FOXP1: variants seen among roughly 807,000 people sequenced by gnomAD.
FOXP1 encodes the protein forkhead box P1, also known as forkhead box protein P1.
Under a neutral mutation model 98.2 loss-of-function variants are expected in FOXP1, and 15 were observed. That is an observed-to-expected ratio of 0.15 (90% CI 0.10 to 0.24). The LOEUF is 0.24. Ranked by LOEUF, FOXP1 falls within the 10% of genes least tolerant of loss-of-function variation. The pLI is 1.00. For missense variants in FOXP1, 633 were observed against 848.5 expected, an observed-to-expected ratio of 0.75 and a Z score of 3.15; for synonymous variants, 371 against 314.5, an observed-to-expected ratio of 1.18 and a Z score of -1.90.
At chr3:71,145,236 T>A (rs939588391) in intron 6 of FOXP1, among the ~76,000 whole-genome samples, 34 of 152,302 alleles carry the variant, frequency 2.2e-4, no homozygotes, top group African/African-American at 5.8e-4. Flanking sequence ...TTATTTATTT[T>A]TTTTAAAGAA....
chr3:71,235,681 C>T (rs2066708277), intron 5 of FOXP1, among the ~76,000 whole-genome samples: 1 of 152,104 alleles, frequency 6.6e-6, no homozygotes, highest in South Asian at 2.1e-4. Flanking sequence ...ATTCTCCTAC[C>T]TCAGCCTCCT....
chr3:71,476,657 ATTTT>A (rs55733297), intron 3 of FOXP1, among the ~76,000 whole-genome samples: 2 of 134,472 alleles, frequency 1.5e-5, no homozygotes, highest in Admixed American at 1.5e-4. Context: ...TGCCCAGCTA[ATTTT>A]TTTTTTTTTT....
chr3:71,433,396 T>G (rs909019335), intron 3 of FOXP1, among the ~76,000 whole-genome samples: 1 of 152,220 alleles, frequency 6.6e-6, no homozygotes, highest in African/African-American at 2.4e-5. Flanking sequence ...AAGGGTTTCA[T>G]GTGTGTTCCT....
At position 71,462,717 on chromosome 3, in the gene FOXP1, T is replaced by C. The variant is rs145044897; in HGVS notation, c.-168+30709A>G. 2.1e-3 allele frequency among the ~76,000 whole-genome samples: 320 copies of C among 152,324 alleles called. 6 individuals carry two copies. In the East Asian group the frequency reaches 0.047, roughly 23 times the overall value. ...TCAGAAGAAATTCCGTGTAACTCCA[T>C]TGTATTCTAGTCATCCGATGAAGGA... On this transcript the variant is annotated intron_variant, in intron 3 of 20. Coordinates refer to ENST00000649528, the MANE Select transcript of FOXP1 (RefSeq NM_001349338.3).
chr3:71,192,056 A>C (rs1291760880), intron 6 of FOXP1, among the ~76,000 whole-genome samples: 3 of 152,176 alleles, frequency 2.0e-5, no homozygotes, highest in African/African-American at 7.2e-5. Flanking sequence ...AATAAATACT[A>C]ATAATACCTT....
chr3:71,406,789 G>A (rs1379556496), intron 3 of FOXP1, among the ~76,000 whole-genome samples: 1 of 151,992 alleles, frequency 6.6e-6, no homozygotes, highest in African/African-American at 2.4e-5. Context: ...TCCAGATCAG[G>A]ATCGCAGGCA....
At chr3:71,035,768 T>TG (rs1424033496) in intron 11 of FOXP1, among the ~76,000 whole-genome samples, 4 of 151,822 alleles carry the variant, frequency 2.6e-5, no homozygotes, top group Non-Finnish European at 4.4e-5. Context: ...CTCTGATTTT[T>TG]GGGGAAAAAA....
chr3:71,338,651 G>A (rs554899584), intron 4 of FOXP1, among the ~76,000 whole-genome samples: 5 of 151,930 alleles, frequency 3.3e-5, no homozygotes, highest in South Asian at 2.1e-4. Context: ...GGATGGTCTC[G>A]AACTCCTGAA....
chr3:71,411,642 C>A lies in FOXP1; in HGVS notation c.-167-52398G>T, dbSNP rs565195973. ...CGGCTGAATGGTCTTCATACCACAT[C>A]TTCTGATCACCTGATGCTGGCAGGT... On this transcript the variant is annotated intron_variant, in intron 3 of 20. Transcript: ENST00000649528. 2.6e-5 allele frequency among the ~76,000 whole-genome samples: 4 copies of A among 152,332 alleles called. No homozygotes were observed. The South Asian group carries it at 8.3e-4, about 32-fold the overall frequency.
intron 3 of FOXP1, among the ~76,000 whole-genome samples, chr3:71,425,443 A>AGGAG (rs2084071048): frequency 6.6e-6 from 1 of 152,150 alleles, no homozygotes; most frequent in Non-Finnish European, 1.5e-5. Flanking sequence ...TGTTCTTAAT[A>AGGAG]CAGACTCTGG....
chr3:71,101,829 C>T (rs1410181857), intron 7 of FOXP1, among the ~76,000 whole-genome samples: 1 of 152,102 alleles, frequency 6.6e-6, no homozygotes, highest in Non-Finnish European at 1.5e-5. Context: ...TCCACATTTA[C>T]CATGAACACC....
intron 3 of FOXP1, among the ~76,000 whole-genome samples, chr3:71,396,957 T>TATATATATACACAC (rs1560424259): frequency 2.0e-5 from 1 of 50,124 alleles, no homozygotes; most frequent in African/African-American, 7.8e-5. Context: ...TGTGTATATA[T>TATATATATACACAC]ATATATGTGT....
At chr3:71,296,726 A>T (rs545961530) in intron 5 of FOXP1, among the ~76,000 whole-genome samples, 1 of 152,246 alleles carries the variant, frequency 6.6e-6, no homozygotes, top group South Asian at 2.1e-4. Context: ...CTGGTCCCCA[A>T]TGTCAGAGGA....
At chr3:71,197,805 G>T in intron 6 of FOXP1, 1 of 1,343,952 alleles carries the variant, frequency 7.4e-7, no homozygotes, top group Non-Finnish European at 1.0e-6. Flanking sequence ...TTATTCCTTA[G>T]CTCTTATTTC....
intron 3 of FOXP1, among the ~76,000 whole-genome samples, chr3:71,461,099 G>A (rs1206795971): frequency 1.3e-5 from 2 of 152,286 alleles, no homozygotes; most frequent in East Asian, 3.9e-4. Flanking sequence ...TTATCTTGGG[G>A]AAGTTAAAAA....
At chr3:71,496,596 C>T (rs961365245) in intron 2 of FOXP1, among the ~76,000 whole-genome samples, 1 of 152,038 alleles carries the variant, frequency 6.6e-6, no homozygotes, top group Non-Finnish European at 1.5e-5. Flanking sequence ...CCGAGGCGGG[C>T]GGATCACGAG....
intron 5 of FOXP1, among the ~76,000 whole-genome samples, chr3:71,214,863 G>C (rs184447959): frequency 6.6e-6 from 1 of 152,136 alleles, no homozygotes; most frequent in Non-Finnish European, 1.5e-5. Flanking sequence ...TAGTACAAGG[G>C]ATCTGTCTCA....
intron 2 of FOXP1, among the ~76,000 whole-genome samples, chr3:71,534,287 TG>T (rs1291047591): frequency 1.3e-5 from 2 of 152,006 alleles, no homozygotes; most frequent in Admixed American, 6.6e-5. Context: ...CGCTTGGACC[TG>T]GGGGGGTGGA....
intron 3 of FOXP1, among the ~76,000 whole-genome samples, chr3:71,400,032 T>C (rs1053833353): frequency 6.6e-6 from 1 of 152,158 alleles, no homozygotes; most frequent in African/African-American, 2.4e-5. Context: ...TGTTAATAAT[T>C]ATGACCATTA....
Sources: allele counts gnomAD v4.1 joint callset (sites outside exome capture counted in the v4.1 genomes callset), GRCh38; gene constraint gnomAD v4.1.1; transcripts MANE v1.5; gene names NCBI Gene and HGNC (gene_info 2026-07-23, HGNC 2026-07-21).